POU2F3: variants seen among roughly 807,000 people sequenced by gnomAD.
POU2F3 encodes the protein POU class 2 homeobox 3.
Under a neutral mutation model 59.2 loss-of-function variants are expected in POU2F3, and 23 were observed. That is an observed-to-expected ratio of 0.39 (90% CI 0.28 to 0.55). The LOEUF (loss-of-function observed/expected upper bound fraction) is 0.55. Among genes scored for constraint, POU2F3 ranks in the 20% least tolerant of loss-of-function variants. The pLI is 0.66. For missense variants in POU2F3, 473 were observed against 544.5 expected (o/e 0.87, Z 1.31); for synonymous variants, 190 against 214.6 (o/e 0.89, Z 1.00).
intron 3 of POU2F3, among the ~76,000 whole-genome samples, chr11:120,282,339 C>T (rs1940602880): frequency 6.6e-6 from 1 of 152,174 alleles, no homozygotes; most frequent in African/African-American, 2.4e-5. Context: ...ATATTATTTT[C>T]CTTCACCAGA....
chr11:120,241,632 G>C (rs73006667), intron 1 of POU2F3, among the ~76,000 whole-genome samples: 1 of 152,224 alleles, frequency 6.6e-6, no homozygotes, highest in Non-Finnish European at 1.5e-5. Context: ...AGATCCCCGG[G>C]TAGGTGCTCT....
At chr11:120,290,418 G>A (rs1940979176) in intron 3 of POU2F3, among the ~76,000 whole-genome samples, 1 of 152,208 alleles carries the variant, frequency 6.6e-6, no homozygotes, top group Non-Finnish European at 1.5e-5. Context: ...GTAGTACACA[G>A]AAGAGGCTGG....
intron 3 of POU2F3, 87 bp from the exon 4 acceptor site, chr11:120,298,178 T>TTTCCTGCCTGGATC (rs1238751152): frequency 6.7e-7 from 1 of 1,482,316 alleles, no homozygotes; most frequent in African/African-American, 1.4e-5. Flanking sequence ...TGGTCACTCC[T>TTTCCTGCCTGGATC]TTCCTGCCTG....
At chr11:120,308,980 A>AAAAAAAAAAAAAG (rs1941578859) in intron 9 of POU2F3, among the ~76,000 whole-genome samples, 1 of 141,750 alleles carries the variant, frequency 7.1e-6, no homozygotes, top group Admixed American at 7.0e-5. Flanking sequence ...AAAAAAAGAA[A>AAAAAAAAAAAAAG]TGACAAGGGA....
At chr11:120,244,261 C>G (rs1052432556) in intron 1 of POU2F3, among the ~76,000 whole-genome samples, 1 of 152,098 alleles carries the variant, frequency 6.6e-6, no homozygotes, top group Non-Finnish European at 1.5e-5. Flanking sequence ...CAAAGCTATT[C>G]CTTATAATGG....
At chr11:120,315,481 G>T (rs17245511) in intron 11 of POU2F3, 54 bp downstream of exon 11, 1 of 1,525,556 alleles carries the variant, frequency 6.6e-7, no homozygotes, top group Non-Finnish European at 9.1e-7. Flanking sequence ...TAAAAAATGG[G>T]ATATTAGAAC....
chr11:120,258,970 C>G (rs1214611186), intron 2 of POU2F3: 1 of 152,216 alleles, frequency 6.6e-6, no homozygotes, highest in Non-Finnish European at 1.5e-5. Flanking sequence ...AGAGACCTTG[C>G]TGAGGAACCT....
At chr11:120,291,336 G>A (rs974707274) in intron 3 of POU2F3, among the ~76,000 whole-genome samples, 11 of 152,206 alleles carry the variant, frequency 7.2e-5, no homozygotes, top group African/African-American at 2.7e-4. Flanking sequence ...TAGCAGATCC[G>A]TGCTAATCAG....
At chr11:120,274,460 G>C (rs1346684449) in intron 3 of POU2F3, among the ~76,000 whole-genome samples, 3 of 152,192 alleles carry the variant, frequency 2.0e-5, no homozygotes, top group Non-Finnish European at 4.4e-5. Context: ...GGAAGATTTT[G>C]GCGACAGGTT....
At chr11:120,272,573 C>T (rs992187964) in intron 3 of POU2F3, among the ~76,000 whole-genome samples, 3 of 152,246 alleles carry the variant, frequency 2.0e-5, no homozygotes, top group Non-Finnish European at 2.9e-5. Flanking sequence ...GGTGAAGCTC[C>T]TGTTGCAAGG....
At position 120,246,456 on chromosome 11, in the gene POU2F3, G is replaced by C. The variant is rs551934538; in HGVS notation, c.36G>C (p.Lys12Asn). Reference sequence around the variant, plus strand: ...GTTGTGTTTTCCCTGCAGATATCAAGATGAGTGGGGATGTAGCCGATTCCA... The same window carrying C: ...GTTGTGTTTTCCCTGCAGATATCAACATGAGTGGGGATGTAGCCGATTCCA... ...VNLESMHTDI[K>N]MSGDVADSTD... Residue 12 changes from lysine (K) to asparagine (N), a missense_variant, in exon 2 of 13, where the codon AAG becomes AAC. Physicochemically the swap from Lys to Asn is moderately conservative, Grantham distance 94. Coordinates refer to ENST00000543440, the MANE Select transcript of POU2F3 (RefSeq NM_014352.4). The C allele has an allele frequency of 6.2e-7, 1 of 1,613,924 alleles. No homozygotes were observed. The highest frequency in any genetic ancestry group is 1.3e-5 in the African/African-American group (1 of 74,974).
At chr11:120,292,981 G>C (rs1305637753) in intron 3 of POU2F3, among the ~76,000 whole-genome samples, 1 of 152,226 alleles carries the variant, frequency 6.6e-6, no homozygotes, top group Non-Finnish European at 1.5e-5. Flanking sequence ...TAAATAACAT[G>C]ACTGATAAGA....
chr11:120,308,715 A>G (rs1941566287), intron 9 of POU2F3, among the ~76,000 whole-genome samples: 1 of 151,982 alleles, frequency 6.6e-6, no homozygotes, highest in Admixed American at 6.6e-5. Context: ...AGGCAGGTGG[A>G]TCACCTGAGG....
intron 2 of POU2F3, among the ~76,000 whole-genome samples, chr11:120,267,551 G>C (rs980353614): frequency 9.0e-6 from 1 of 110,922 alleles, no homozygotes; most frequent in South Asian, 4.3e-4. Flanking sequence ...CAGCCCACCT[G>C]CTCTCAGAGA....
At chr11:120,247,890 T>G (rs535988057) in intron 2 of POU2F3, among the ~76,000 whole-genome samples, 65 of 152,312 alleles carry the variant, frequency 4.3e-4, no homozygotes, top group African/African-American at 1.5e-3. Flanking sequence ...CCCAGGTGTG[T>G]GGGGACACAG....
Position 120,305,624 on chromosome 11 carries a change from C to T in POU2F3, c.628-20C>T. 1 of 1,612,130 alleles carries T rather than the reference C, an allele frequency of 6.2e-7. No homozygotes were observed. Among genetic ancestry groups the T allele is most frequent in the Non-Finnish European group, 8.5e-7 (1 of 1,179,198 alleles). ...AGGAGGCTGCCTCTCATGTTCCTCC[C>T]CCTCGGTCCCCACGCTTAGGGAGAT... On this transcript the variant is annotated intron_variant, in intron 7 of 12. Transcript: ENST00000543440.
chr11:120,308,044 T>G (rs17245504), intron 9 of POU2F3, among the ~76,000 whole-genome samples: 17,549 of 152,294 alleles, frequency 0.12, 1,285 homozygotes, highest in South Asian at 0.23. Flanking sequence ...GTAAACAATT[T>G]AAGTGCAGGG....
intron 1 of POU2F3, among the ~76,000 whole-genome samples, chr11:120,243,785 A>G (rs1938765296): frequency 6.6e-6 from 1 of 152,242 alleles, no homozygotes; most frequent in Non-Finnish European, 1.5e-5. Flanking sequence ...ATGGGACTCA[A>G]GAAGAGGCTT....
chr11:120,299,671 C>A lies in POU2F3; in HGVS notation c.306C>A (p.Gly102=). Residue 102 remains glycine, a synonymous_variant, in exon 5 of 13, where the codon GGC becomes GGA. Coordinates refer to ENST00000543440, the MANE Select transcript of POU2F3 (RefSeq NM_014352.4). ...TCCAGCAGCTTGTGCTGGTTCCCGG[C>A]CACTTACAGTCTGTATCCCAGTTCC... ...HPLQQLVLVP[G]HLQSVSQFLL... is the part of the protein sequence containing the mutation. 1 of 1,613,862 alleles carries A rather than the reference C, an allele frequency of 6.2e-7. No individual in the cohort carries two copies. The highest frequency in any genetic ancestry group is 8.5e-7 in the Non-Finnish European group (1 of 1,179,994).
Sources: allele counts gnomAD v4.1 joint callset (sites outside exome capture counted in the v4.1 genomes callset), GRCh38; gene constraint gnomAD v4.1.1; transcripts MANE v1.5; gene names NCBI Gene and HGNC (gene_info 2026-07-23, HGNC 2026-07-21).